PCNT: variants seen among roughly 807,000 people sequenced by gnomAD.
PCNT encodes kendrin.
In PCNT, 319 loss-of-function variants were observed where a neutral mutation model predicts 380.4. The observed-to-expected ratio is 0.84, with a 90% confidence interval of 0.77 to 0.92. The LOEUF (loss-of-function observed/expected upper bound fraction) is 0.92. Ranked by LOEUF, PCNT falls within the 40% of genes least tolerant of loss-of-function variation. The pLI is 0.00. For synonymous variants in PCNT, 1,845 were observed against 1,735.2 expected (o/e 1.06, Z -1.57); for missense variants, 4,400 against 4,255.3 (o/e 1.03, Z -0.95).
At chr21:46,405,304 C>G (rs540470117) in intron 27 of PCNT, among the ~76,000 whole-genome samples, 2 of 152,326 alleles carry the variant, frequency 1.3e-5, no homozygotes, top group East Asian at 3.9e-4. Flanking sequence ...TTTTAATTTC[C>G]CTTTGACAGA....
chr21:46,408,912 C>T (rs909205403), intron 27 of PCNT, among the ~76,000 whole-genome samples: 26 of 151,720 alleles, frequency 1.7e-4, no homozygotes, highest in Admixed American at 4.6e-4. Context: ...TTAGTAGAGA[C>T]GGGGTTTCAT....
At chr21:46,408,326 G>T (rs1046189126) in intron 27 of PCNT, among the ~76,000 whole-genome samples, 4 of 152,178 alleles carry the variant, frequency 2.6e-5, no homozygotes, top group African/African-American at 9.7e-5. Flanking sequence ...ATAGTTTCTA[G>T]GTTTTGGCAG....
chr21:46,412,069 TG>T lies in PCNT; in HGVS notation c.5994+5del. On this transcript the variant is annotated splice_donor_region_variant and intron_variant, in intron 28 of 46. Transcript: ENST00000359568. ...GAGCCGGTTGTCCCTGACCCACAGGTGGGCTCCCCCCGCGGGCCATGGCAGG... is the reference window on the plus strand; with the variant it reads ...GAGCCGGTTGTCCCTGACCCACAGGTGGCTCCCCCCGCGGGCCATGGCAGG... 7 of 1,605,920 alleles carry T rather than the reference TG, an allele frequency of 4.4e-6. No homozygotes were observed. Among genetic ancestry groups the T allele is most frequent in the South Asian group, 1.1e-5 (1 of 90,986 alleles).
intron 41 of PCNT, 44 bp from the exon 42 acceptor site, chr21:46,440,039 T>C (rs776387933): frequency 8.1e-6 from 13 of 1,612,914 alleles, no homozygotes; most frequent in Non-Finnish European, 1.1e-5. Flanking sequence ...ATGCTCTTGT[T>C]GACGAGCAGC....
chr21:46,329,684 T>A (rs1048806842), intron 2 of PCNT, among the ~76,000 whole-genome samples: 12 of 152,204 alleles, frequency 7.9e-5, no homozygotes, highest in African/African-American at 2.9e-4. Context: ...GTGTGGCAGA[T>A]GTGAGGAGAG....
Position 46,438,147 on chromosome 21 carries a change from A to C in PCNT, c.9100-17A>C. 5 of 1,606,134 alleles carry C rather than the reference A, an allele frequency of 3.1e-6. No homozygotes were observed. In the South Asian group the frequency reaches 3.3e-5, roughly 11 times the overall value. On this transcript the variant is annotated splice_polypyrimidine_tract_variant and intron_variant, in intron 40 of 46. Coordinates refer to ENST00000359568, the MANE Select transcript of PCNT (RefSeq NM_006031.6). ...TTTAACAACAAATTCTTACAAATTT[A>C]TTTTCTTTTCTCCAAGAAAAAAATG...
At chr21:46,441,325 A>G (rs932645009) in intron 43 of PCNT, among the ~76,000 whole-genome samples, 3 of 152,236 alleles carry the variant, frequency 2.0e-5, no homozygotes, top group Admixed American at 6.5e-5. Context: ...TTACAGAGGA[A>G]CATCTTGACT....
rs770395220 is a variant in PCNT at position 46,399,607 on chromosome 21, A to G, written c.4602A>G (p.Gln1534=). 6.2e-7 allele frequency: 1 copy of G among 1,613,326 alleles called. No homozygotes were observed. Among genetic ancestry groups the G allele is most frequent in the South Asian group, 1.1e-5 (1 of 91,070 alleles). Residue 1534 remains glutamine (Q), a synonymous_variant, in exon 25 of 47, where the codon CAA becomes CAG. Transcript: ENST00000359568. The stretch of plus-strand genomic sequence containing the variant: ...TGTTTTAGGTTGAGTTGTTACAACA[A>G]AAGTTGAGAGAAAAGTTGGATGAAT... ...PLDGEVELLQ[Q]KLREKLDEFN...
intron 44 of PCNT, chr21:46,442,840 T>C (rs971863659): frequency 1.7e-5 from 9 of 526,436 alleles, no homozygotes; most frequent in Non-Finnish European, 2.7e-5. Flanking sequence ...TATTTAATAG[T>C]GTTTAGCAAA....
At chr21:46,368,772 C>T (rs922555090) in intron 15 of PCNT, among the ~76,000 whole-genome samples, 15 of 152,198 alleles carry the variant, frequency 9.9e-5, no homozygotes, top group African/African-American at 3.4e-4. Flanking sequence ...TGGGCTAGAG[C>T]TGATGAGGCA....
At chr21:46,374,302 C>T (rs1305391556) in intron 15 of PCNT, among the ~76,000 whole-genome samples, 1 of 152,108 alleles carries the variant, frequency 6.6e-6, no homozygotes, top group Non-Finnish European at 1.5e-5. Flanking sequence ...CCCAATACAG[C>T]ATAACCATGA....
At chr21:46,331,218 G>A (rs1010994951) in intron 2 of PCNT, among the ~76,000 whole-genome samples, 2 of 151,990 alleles carry the variant, frequency 1.3e-5, no homozygotes, top group Non-Finnish European at 2.9e-5. Context: ...GAGTGCAGTG[G>A]CCCAATCAGC....
chr21:46,419,389 T>C (rs2087153833), intron 31 of PCNT, among the ~76,000 whole-genome samples: 2 of 152,140 alleles, frequency 1.3e-5, no homozygotes, highest in South Asian at 4.1e-4. Flanking sequence ...CTCTCAGAAA[T>C]GTCTTCTCGT....
rs1220287397 is a variant in PCNT, at chr21:46,425,432, A to C, written c.7180-399A>C. On this transcript the variant is annotated intron_variant, in intron 32 of 46. Coordinates refer to ENST00000359568, the MANE Select transcript of PCNT (RefSeq NM_006031.6). This position sits in a 1 kb window ranked among gnomAD's most constrained non-coding sequence, Gnocchi z 4.2. ...TCGTGTGGCCTTCTCGTAGCGTCCC[A>C]GGTGGGCAGGGAGTGTGTGATATGT... is the stretch of plus-strand genomic sequence containing the variant. Among the ~76,000 whole-genome samples, 1 of 152,214 alleles carries C rather than the reference A, an allele frequency of 6.6e-6. No homozygotes were observed. The highest frequency in any genetic ancestry group is 1.5e-5 in the Non-Finnish European group (1 of 68,036).
rs772027647 is a variant in PCNT at position 46,353,326 on chromosome 21, G to A, written c.1679G>A (p.Gly560Glu). The A allele has an allele frequency of 2.5e-6, 4 of 1,613,182 alleles. No homozygotes were observed. The African/African-American group carries it at 4.0e-5, about 16-fold the overall frequency. ...GCTCTTCTGGACTCTGTGGAAGTTG[G>A]GTAAGCAAAGCAGTTCCAGCCTCAG... ...EDALLDSVEV[G>E]LSCVGLEEKP... The change falls in exon 10 of 47, where the codon GGG becomes GAG. Residue 560 changes from glycine to glutamate, a missense_variant and splice_region_variant. Physicochemically the swap from Gly to Glu is moderately conservative, Grantham distance 98 (BLOSUM62 -2). Transcript: ENST00000359568.
intron 21 of PCNT, among the ~76,000 whole-genome samples, chr21:46,392,251 C>T (rs892563858): frequency 2.5e-4 from 38 of 151,952 alleles, no homozygotes; most frequent in Admixed American, 1.6e-3. Flanking sequence ...GATGGAGTCT[C>T]GCTGTGTCCC....
intron 15 of PCNT, among the ~76,000 whole-genome samples, chr21:46,373,005 G>A (rs564953931): frequency 1.3e-5 from 2 of 151,906 alleles, no homozygotes; most frequent in African/African-American, 4.9e-5. Context: ...CTGTACTTTT[G>A]TTCTTCTAGG....
chr21:46,366,818 A>T lies in PCNT; in HGVS notation c.2844A>T (p.Glu948Asp). The T allele has an allele frequency of 1.9e-6, 3 of 1,613,924 alleles. No homozygotes were observed. The highest frequency in any genetic ancestry group is 2.5e-6 in the Non-Finnish European group (3 of 1,180,046). Residue 948 changes from glutamate to aspartate, a missense_variant, in exon 15 of 47, where the codon GAA becomes GAT. Glu to Asp is a conservative substitution (Grantham distance 45, BLOSUM62 2). Transcript: ENST00000359568. ...QGALLAARVA[E>D]LQTKHAADLG... Reference sequence around the variant, plus strand: ...CTCTGCTGGCTGCACGTGTGGCCGAACTGCAGACAAAACACGCTGCCGACC... The same window carrying T: ...CTCTGCTGGCTGCACGTGTGGCCGATCTGCAGACAAAACACGCTGCCGACC...
rs776315384 is a variant in PCNT, at chr21:46,353,987, G to A, written c.1680G>A (p.Gly560=). The change falls in exon 11 of 47, where the codon GGG becomes GGA. Residue 560 remains glycine (G), a splice_region_variant and synonymous_variant. Transcript: ENST00000359568. ...CTTTTATAAAATGTTTTCCCTTCAG[G>A]TTGTCCTGTGTGGGTTTAGAAGAGA... is the stretch of plus-strand genomic sequence containing the variant. ...EDALLDSVEV[G]LSCVGLEEKP... 3 of 1,613,374 alleles carry A rather than the reference G, an allele frequency of 1.9e-6. No homozygotes were observed. Among genetic ancestry groups the A allele is most frequent in the Non-Finnish European group, 2.5e-6 (3 of 1,179,314 alleles).
Sources: gnomAD v4.1 joint callset for allele counts (sites outside exome capture counted in the v4.1 genomes callset) on GRCh38, gnomAD v4.1.1 for gene constraint, Gnocchi (gnomAD v3.1) non-coding constraint, MANE v1.5 for transcripts, NCBI Gene and HGNC (gene_info 2026-07-23, HGNC 2026-07-21) for gene names.